The following PIK3R6 variants were observed in gnomAD, a reference collection of about 807,000 sequenced individuals.
PIK3R6 encodes the protein phosphoinositide 3-kinase regulatory subunit 6.
PIK3R6 carries 91 observed loss-of-function variants against 84.9 expected under a neutral mutation model. The observed-to-expected ratio is 1.07, with a 90% CI of 0.90 to 1.28. The LOEUF is 1.28. Ranked by LOEUF, PIK3R6 falls within the 50% of genes most tolerant of loss-of-function variation. The probability of loss-of-function intolerance (pLI) is 0.00; values close to 1 mark genes in which losing one functional copy is unlikely to be tolerated. For synonymous variants in PIK3R6, 416 were observed against 411.4 expected (o/e 1.01, Z -0.13); for missense variants, 996 against 985.1 (o/e 1.01, Z -0.15).
intron 2 of PIK3R6, among the ~76,000 whole-genome samples, chr17:8,841,164 C>G (rs1007422674): frequency 2.0e-5 from 3 of 151,942 alleles, no homozygotes; most frequent in African/African-American, 7.3e-5. Flanking sequence ...GTAGTCTCCA[C>G]CCCCCGCCCC....
chr17:8,846,571 T>C (rs999951603), intron 2 of PIK3R6, among the ~76,000 whole-genome samples: 2 of 152,180 alleles, frequency 1.3e-5, no homozygotes, highest in Non-Finnish European at 2.9e-5. Context: ...ATTTTAACAA[T>C]ATTGATTCTT....
rs558600215 is a variant in PIK3R6, at chr17:8,824,803, G to C, written c.1516-1306C>G. ...CCAGCTAAATGGTCTTTGTGTGTAT[G>C]CAAAGACATTTTCGGATCAGGTATA... On this transcript the variant is annotated intron_variant, in intron 13 of 19. Coordinates refer to ENST00000619866, the MANE Select transcript of PIK3R6 (RefSeq NM_001010855.4). Among the ~76,000 whole-genome samples, 4 of 152,222 alleles carry C rather than the reference G, an allele frequency of 2.6e-5. No homozygotes were observed. In the South Asian group the frequency reaches 8.3e-4, roughly 32 times the overall value.
chr17:8,822,762 C>G (rs2087783385), intron 15 of PIK3R6, 105 bp from the exon 16 acceptor site: 1 of 1,222,976 alleles, frequency 8.2e-7, no homozygotes, highest in African/African-American at 1.5e-5. Context: ...TTTACCCATC[C>G]ATCCATCTCC....
At chr17:8,848,032 C>T (rs2088852672) in intron 2 of PIK3R6, among the ~76,000 whole-genome samples, 1 of 152,124 alleles carries the variant, frequency 6.6e-6, no homozygotes, top group Non-Finnish European at 1.5e-5. Flanking sequence ...GACCAAGCTG[C>T]CCAAGGACTG....
intron 9 of PIK3R6, 99 bp downstream of exon 9, chr17:8,832,786 CCAGA>C (rs762325334): frequency 1.3e-4 from 205 of 1,556,052 alleles, no homozygotes; most frequent in Non-Finnish European, 1.5e-4. Flanking sequence ...GGCCAGGCAC[CCAGA>C]CAGAGGCAGG....
chr17:8,863,456 A>C (rs2089327741), intron 1 of PIK3R6, among the ~76,000 whole-genome samples: 1 of 152,082 alleles, frequency 6.6e-6, no homozygotes, highest in Non-Finnish European at 1.5e-5. Flanking sequence ...GAATCTCAGA[A>C]ACCGTATTCC....
chr17:8,840,604 GTATATGAAATGTATATCCTCCAAATA>G, intron 2 of PIK3R6, among the ~76,000 whole-genome samples: 1 of 146,136 alleles, frequency 6.8e-6, no homozygotes, highest in Non-Finnish European at 1.5e-5. Flanking sequence ...CTCCAAATAT[GTATATGAAATGTATATCCTCCAAATA>G]TATATGAAAT....
chr17:8,827,612 A>G (rs1218183652), intron 12 of PIK3R6, among the ~76,000 whole-genome samples: 1 of 152,006 alleles, frequency 6.6e-6, no homozygotes, highest in African/African-American at 2.4e-5. Flanking sequence ...CGGTAGGAGT[A>G]AGGACTGCAA....
chr17:8,866,473 C>T (rs774911326), intron 1 of PIK3R6, among the ~76,000 whole-genome samples: 8 of 152,070 alleles, frequency 5.3e-5, no homozygotes, highest in South Asian at 2.1e-4. Flanking sequence ...ACCCAGGAGA[C>T]GGAGGTTGCA....
chr17:8,858,291 G>C (rs548927717), intron 1 of PIK3R6, among the ~76,000 whole-genome samples: 1 of 146,880 alleles, frequency 6.8e-6, no homozygotes, highest in African/African-American at 2.5e-5. Flanking sequence ...CCATGCCTCT[G>C]AATGTTTTCT....
chr17:8,829,884 T>TA (rs931117974), intron 9 of PIK3R6, 92 bp from the exon 10 acceptor site: 3 of 1,007,542 alleles, frequency 3.0e-6, no homozygotes, highest in African/African-American at 3.3e-5. Flanking sequence ...TGCGGGGTCT[T>TA]AGAGAGGTGG....
intron 18 of PIK3R6, among the ~76,000 whole-genome samples, chr17:8,816,459 CAG>C (rs2087546092): frequency 6.6e-6 from 1 of 152,036 alleles, no homozygotes; most frequent in Non-Finnish European, 1.5e-5. Context: ...TTAATCATAT[CAG>C]AGTCAGAAAT....
At chr17:8,821,991 A>C in intron 16 of PIK3R6, 55 bp from the exon 17 acceptor site, 1 of 1,357,440 alleles carries the variant, frequency 7.4e-7, no homozygotes. Flanking sequence ...CCCTTTCCCC[A>C]TGCATCCCCA....
Position 8,828,878 on chromosome 17 carries a change from A to G in PIK3R6, c.1002T>C (p.Ser334=). Residue 334 remains serine (S), a synonymous_variant, in exon 11 of 20, where the codon TCT becomes TCC. Coordinates refer to ENST00000619866, the MANE Select transcript of PIK3R6 (RefSeq NM_001010855.4). Reference sequence around the variant, plus strand: ...CAATGCCGCTGTCAGTGGACAGCACAGAAACCCGGGCCAACTCCCGGTCCG... The same window carrying G: ...CAATGCCGCTGTCAGTGGACAGCACGGAAACCCGGGCCAACTCCCGGTCCG... ...LRPDRELARV[S]VLSTDSGIER... 6.3e-7 allele frequency: 1 copy of G among 1,582,988 alleles called. No individual in the cohort carries two copies. The highest frequency in any genetic ancestry group is 1.4e-5 in the African/African-American group (1 of 73,904).
chr17:8,859,637 G>C (rs73973236), intron 1 of PIK3R6, among the ~76,000 whole-genome samples: 10,898 of 152,274 alleles, frequency 0.072, 1,292 homozygotes, highest in African/African-American at 0.25. Context: ...CTGAATAGGA[G>C]AAGAGGGAGG....
chr17:8,846,970 T>A (rs1189417170), intron 2 of PIK3R6, among the ~76,000 whole-genome samples: 1 of 152,198 alleles, frequency 6.6e-6, no homozygotes, highest in Non-Finnish European at 1.5e-5. Flanking sequence ...TCTCATTGCC[T>A]GCTTGAAGCC....
chr17:8,815,778 AAC>A (rs775486233), intron 18 of PIK3R6, among the ~76,000 whole-genome samples: 11 of 152,282 alleles, frequency 7.2e-5, no homozygotes, highest in South Asian at 2.1e-4. Flanking sequence ...CAAACAAACA[AAC>A]ACAGAAATAG....
At position 8,822,981 on chromosome 17, in the gene PIK3R6, G is replaced by A. The variant is rs1179554913; in HGVS notation, c.1717+15C>T. The A allele has an allele frequency of 1.3e-6, 2 of 1,572,832 alleles. No homozygotes were observed. Among genetic ancestry groups the A allele is most frequent in the Admixed American group, 3.3e-5 (2 of 59,966 alleles). The stretch of plus-strand genomic sequence containing the variant: ...AGTCAGGGTGACCTTTGGCAAAAGG[G>A]AGGCAGATGCTTACCTTTGGGGAAT... On this transcript the variant is annotated intron_variant, in intron 15 of 19. Coordinates refer to ENST00000619866, the MANE Select transcript of PIK3R6 (RefSeq NM_001010855.4).
intron 1 of PIK3R6, among the ~76,000 whole-genome samples, chr17:8,863,460 G>A (rs746730788): frequency 3.3e-5 from 5 of 151,896 alleles, no homozygotes; most frequent in Admixed American, 2.0e-4. Context: ...CTCAGAAACC[G>A]TATTCCTCCC....
Sources: gnomAD v4.1 joint callset for allele counts (sites outside exome capture counted in the v4.1 genomes callset) on GRCh38, gnomAD v4.1.1 for gene constraint, MANE v1.5 for transcripts, NCBI Gene and HGNC (gene_info 2026-07-23, HGNC 2026-07-21) for gene names.